Variants in MDGA1 observed in about 807,000 individuals in gnomAD.
MDGA1 encodes MAM domain-containing glycosylphosphatidylinositol anchor protein 1.
MDGA1 carries 54 observed loss-of-function variants against 101.5 expected under a neutral mutation model. The observed-to-expected ratio is 0.53, with a 90% confidence interval of 0.43 to 0.67. MDGA1 has a LOEUF of 0.67. Ranked by LOEUF, MDGA1 falls within the 30% of genes least tolerant of loss-of-function variation. The probability of loss-of-function intolerance (pLI) is 0.00; values close to 1 mark genes in which losing one functional copy is unlikely to be tolerated. For missense variants in MDGA1, 1,083 were observed against 1,323.8 expected (o/e 0.82, Z 2.82); for synonymous variants, 533 against 558.3 (o/e 0.95, Z 0.64).
chr6:37,673,994 T>C (rs905436173), intron 1 of MDGA1, among the ~76,000 whole-genome samples: 1 of 152,218 alleles, frequency 6.6e-6, no homozygotes, highest in Non-Finnish European at 1.5e-5. Flanking sequence ...TTGCCATTGA[T>C]TCATTAATTG....
chr6:37,645,485 G>A (rs533576712), intron 12 of MDGA1, among the ~76,000 whole-genome samples: 20 of 152,178 alleles, frequency 1.3e-4, no homozygotes, highest in Admixed American at 2.6e-4. Flanking sequence ...GCAGTGAGCC[G>A]AGACTGTGCT....
chr6:37,675,948 C>T (rs917216456), intron 1 of MDGA1, among the ~76,000 whole-genome samples: 1 of 152,198 alleles, frequency 6.6e-6, no homozygotes, highest in Non-Finnish European at 1.5e-5. Context: ...TTCTGGGTGA[C>T]TTGAGGCAAA....
In MDGA1 at chr6:37,650,110, C is replaced by T. The variant is rs749268210; in HGVS notation, c.1608G>A (p.Gln536=). ...GTCCGGGTGGCGTGGTGGACTCACA[C>T]TGCACGTTCAGCTGCACCTGGGCCT... The part of the protein sequence containing the change: ...PREAQVQLNV[Q]FPPEVEPSSQ... Residue 536 remains glutamine, a splice_region_variant and synonymous_variant, in exon 8 of 17, where the codon CAG becomes CAA. Transcript: ENST00000434837. 1.9e-6 allele frequency: 3 copies of T among 1,608,518 alleles called. No individual in the cohort carries two copies. The highest frequency in any genetic ancestry group is 1.1e-5 in the South Asian group (1 of 90,870).
chr6:37,689,654 G>A (rs9470668), intron 1 of MDGA1, among the ~76,000 whole-genome samples: 48,011 of 152,066 alleles, frequency 0.32, 7,990 homozygotes, highest in African/African-American at 0.4. Context: ...CTTATGCAGA[G>A]GTCGAGGCTC....
rs1199437739 is a variant in MDGA1 at position 37,648,990 on chromosome 6, T to C, written c.1886A>G (p.Gln629Arg). The C allele has an allele frequency of 1.3e-6, 2 of 1,552,512 alleles. No homozygotes were observed. Among genetic ancestry groups the C allele is most frequent in the Non-Finnish European group, 1.7e-6 (2 of 1,149,662 alleles). Residue 629 changes from glutamine to arginine, a missense_variant, in exon 9 of 17, where the codon CAG becomes CGG. Transcript: ENST00000434837. ...ACCCACTGGACGCTCACCGGAGACCTGGAAGAGGCAGGCAGCCGAGCCCAC... is the reference window on the plus strand; with the variant it reads ...ACCCACTGGACGCTCACCGGAGACCCGGAAGAGGCAGGCAGCCGAGCCCAC... Reference protein sequence around the residue: ...NDVGSAACLFQVSAKAYSPEF... With the variant: ...NDVGSAACLFRVSAKAYSPEF...
chr6:37,671,732 C>T (rs1400286057), intron 1 of MDGA1, among the ~76,000 whole-genome samples: 3 of 152,060 alleles, frequency 2.0e-5, no homozygotes. Context: ...CATCAAAGAC[C>T]CCCATCCCCC....
At chr6:37,688,214 C>T (rs1393550379) in intron 1 of MDGA1, among the ~76,000 whole-genome samples, 1 of 152,218 alleles carries the variant, frequency 6.6e-6, no homozygotes. Flanking sequence ...CAGCTGTGCC[C>T]AAGAATCATC....
At chr6:37,686,614 A>T (rs1183871514) in intron 1 of MDGA1, among the ~76,000 whole-genome samples, 3 of 151,870 alleles carry the variant, frequency 2.0e-5, no homozygotes, top group African/African-American at 7.3e-5. Context: ...TTTAGTAGAG[A>T]CGGGGTTTCA....
chr6:37,680,998 C>A (rs1013267578), intron 1 of MDGA1, among the ~76,000 whole-genome samples: 3 of 58,182 alleles, frequency 5.2e-5, no homozygotes, highest in Non-Finnish European at 7.6e-5. Context: ...CCTCCTCAGC[C>A]CCCCCCCCCC....
intron 1 of MDGA1, among the ~76,000 whole-genome samples, chr6:37,673,938 C>T (rs61139311): frequency 0.015 from 2,319 of 152,292 alleles, 44 homozygotes; most frequent in African/African-American, 0.052. Context: ...CCTCTCGCTC[C>T]CTGTCCTCCC....
chr6:37,650,480 C>T (rs1761336350), intron 7 of MDGA1, 75 bp from the exon 8 acceptor site: 18 of 1,380,414 alleles, frequency 1.3e-5, no homozygotes, highest in Non-Finnish European at 1.6e-5. Flanking sequence ...CCTTCTGGCT[C>T]CTGCTTACCT....
At chr6:37,667,370 G>A (rs1761777354) in intron 1 of MDGA1, among the ~76,000 whole-genome samples, 1 of 152,204 alleles carries the variant, frequency 6.6e-6, no homozygotes, top group Non-Finnish European at 1.5e-5. Context: ...CACCACCTTG[G>A]GCCTCAGTTT....
intron 1 of MDGA1, among the ~76,000 whole-genome samples, chr6:37,675,744 T>C (rs6912334): frequency 1.3e-5 from 2 of 151,946 alleles, no homozygotes; most frequent in Non-Finnish European, 2.9e-5. Flanking sequence ...GGTTACTCAT[T>C]GTTACTCATG....
intron 1 of MDGA1, among the ~76,000 whole-genome samples, chr6:37,673,828 T>A (rs1443648091): frequency 1.3e-5 from 2 of 152,124 alleles, no homozygotes; most frequent in African/African-American, 2.4e-5. Flanking sequence ...ACGCAGAGCA[T>A]CTTGAGGGAA....
rs10947693 is a variant in MDGA1, at chr6:37,696,445, G to T, written c.67+300C>A. Among the ~76,000 whole-genome samples the T allele has an allele frequency of 6.8e-4, 104 of 152,190 alleles. No individual in the cohort carries two copies. Among genetic ancestry groups the T allele is most frequent in the South Asian group, 5.0e-3 (24 of 4,820 alleles). Reference sequence around the variant, plus strand: ...CACCAGTCCTAGACTGGGTCTGTCCGGGTCTCCCGAGCCGACCGGGTGCTC... The same window carrying T: ...CACCAGTCCTAGACTGGGTCTGTCCTGGTCTCCCGAGCCGACCGGGTGCTC... On this transcript the variant is annotated intron_variant, in intron 1 of 16. Transcript: ENST00000434837. The surrounding 1 kb of genome is among the most constrained non-coding windows in gnomAD (Gnocchi z 5.6).
intron 1 of MDGA1, among the ~76,000 whole-genome samples, chr6:37,672,574 GAGA>G (rs907648042): frequency 2.0e-5 from 3 of 152,202 alleles, no homozygotes; most frequent in African/African-American, 4.8e-5. Context: ...GAGACAAAAG[GAGA>G]AGGAGTGGCT....
In MDGA1 at chr6:37,645,903, G is replaced by A. The variant is rs74426888; in HGVS notation, c.2248+30C>T. ...GAGCCTTTGTGTCCCTAAAGGGAAG[G>A]GGAAGTCATGGGTGACTGGGGAGTC... is the stretch of plus-strand genomic sequence containing the variant. On this transcript the variant is annotated intron_variant, in intron 12 of 16. Transcript: ENST00000434837. The A allele has an allele frequency of 3.8e-3, 6,145 of 1,613,508 alleles. 139 individuals carry two copies. The African/African-American group carries it at 0.06, about 16-fold the overall frequency.
intron 11 of MDGA1, 110 bp from the exon 12 acceptor site, chr6:37,646,066 G>A (rs1761186330): frequency 1.3e-6 from 2 of 1,582,302 alleles, no homozygotes; most frequent in Admixed American, 1.8e-5. Flanking sequence ...CTGGGGGCCA[G>A]CGGATCTGGC....
chr6:37,654,938 C>A lies in MDGA1; in HGVS notation c.580-6G>T. ...TTCAGGACCTTGGTCTCCCCCTGGG[C>A]AGCAGTGGACCACTGGGGTGAGGTG... On this transcript the variant is annotated splice_polypyrimidine_tract_variant and splice_region_variant and intron_variant, in intron 4 of 16. Transcript: ENST00000434837. 6.2e-7 allele frequency: 1 copy of A among 1,612,754 alleles called. No individual in the cohort carries two copies. Among genetic ancestry groups the A allele is most frequent in the Non-Finnish European group, 8.5e-7 (1 of 1,179,684 alleles).
Sources: allele counts gnomAD v4.1 joint callset (sites outside exome capture counted in the v4.1 genomes callset), GRCh38; gene constraint gnomAD v4.1.1; non-coding constraint Gnocchi (gnomAD v3.1); transcripts MANE v1.5; gene names NCBI Gene and HGNC (gene_info 2026-07-23, HGNC 2026-07-21).